Variants in RBSN observed in about 807,000 individuals in gnomAD.
RBSN encodes the protein rabenosyn-5.
In RBSN, 34 loss-of-function variants were observed where a neutral mutation model predicts 60.5. That is an observed-to-expected ratio of 0.56 (90% CI 0.43 to 0.75). The LOEUF (loss-of-function observed/expected upper bound fraction) is 0.75, where lower values mean the gene tolerates loss of function less well. Among genes scored for constraint, RBSN ranks in the 30% least tolerant of loss-of-function variants. The pLI, the probability that RBSN is intolerant of heterozygous loss-of-function variation, is 0.00. For missense variants in RBSN, 845 were observed against 986.8 expected, an observed-to-expected ratio of 0.86 and a Z score of 1.92; for synonymous variants, 322 against 366.9, an observed-to-expected ratio of 0.88 and a Z score of 1.40.
chr3:15,074,941 A>G lies in RBSN; in HGVS notation c.1207-11T>C. On this transcript the variant is annotated splice_polypyrimidine_tract_variant and intron_variant, in intron 13 of 13. Coordinates refer to ENST00000253699, the MANE Select transcript of RBSN (RefSeq NM_022340.4). This position sits in a 1 kb window ranked among gnomAD's most constrained non-coding sequence, Gnocchi z 6.4. ...GGACTCCAGGGCAGCCTGGGGAGAGAGCAAAGCAGAGAGAAGAAACAGTCA... is the reference window on the plus strand; with the variant it reads ...GGACTCCAGGGCAGCCTGGGGAGAGGGCAAAGCAGAGAGAAGAAACAGTCA... 6.3e-7 allele frequency: 1 copy of G among 1,594,576 alleles called. No individual in the cohort carries two copies. The highest frequency in any genetic ancestry group is 8.5e-7 in the Non-Finnish European group (1 of 1,172,122).
Position 15,082,393 on chromosome 3 carries a change from T to TAGATCTCG in RBSN, c.813_814insCGAGATCT (p.Thr272ArgfsTer8). 2 of 1,613,690 alleles carry TAGATCTCG rather than the reference T, an allele frequency of 1.2e-6. No individual in the cohort carries two copies. The highest frequency in any genetic ancestry group is 1.7e-5 in the Admixed American group (1 of 60,022). On this transcript the variant is annotated frameshift_variant, in exon 9 of 14. Coordinates refer to ENST00000253699, the MANE Select transcript of RBSN (RefSeq NM_022340.4). LOFTEE classifies it high-confidence loss of function. This position sits in a 1 kb window ranked among gnomAD's most constrained non-coding sequence, Gnocchi z 4.2. Reference sequence around the variant, plus strand: ...TCGTAGAGCTTCACGATGTCAGGTGTGTGCTCCTTCTCATCAATCTGCTGC... The same window carrying TAGATCTCG: ...TCGTAGAGCTTCACGATGTCAGGTGTAGATCTCGGTGCTCCTTCTCATCAATCTGCTGC...
chr3:15,071,154 T>A lies in RBSN; in HGVS notation c.*2628A>T, dbSNP rs1240108101. 1 of 152,246 alleles carries A rather than the reference T, an allele frequency of 6.6e-6. No homozygotes were observed. The highest frequency in any genetic ancestry group is 1.5e-5 in the Non-Finnish European group (1 of 68,052). 9.4% of individuals were successfully genotyped at this position (152,246 alleles called of 1,614,324 possible). ...TTTAAAAATAGTTTTTAAAAATGTT[T>A]CTTGTGTGTTTTTCAATGCTTTTAG... On this transcript the variant is annotated 3_prime_UTR_variant, in exon 14 of 14. Coordinates refer to ENST00000253699, the MANE Select transcript of RBSN (RefSeq NM_022340.4).
Position 15,073,210 on chromosome 3 carries a change from C to T in RBSN, c.*572G>A, listed in dbSNP as rs1164344056. ...TCTCCCCTTCATAGCAGCACCTCCC[C>T]CTTCTATTGTACAGACAGGAAGTGC... On this transcript the variant is annotated 3_prime_UTR_variant, in exon 14 of 14. Transcript: ENST00000253699. 1.3e-5 allele frequency: 2 copies of T among 152,924 alleles called. No individual in the cohort carries two copies. Among genetic ancestry groups the T allele is most frequent in the South Asian group, 2.1e-4 (1 of 4,836 alleles). 9.5% of individuals were successfully genotyped at this position (152,924 alleles called of 1,614,324 possible).
chr3:15,079,893 T>A (rs926696908), intron 10 of RBSN, among the ~76,000 whole-genome samples: 2 of 152,166 alleles, frequency 1.3e-5, no homozygotes, highest in Non-Finnish European at 2.9e-5. Flanking sequence ...ACCACCAAAC[T>A]GTACACTTTA....
intron 4 of RBSN, among the ~76,000 whole-genome samples, chr3:15,095,199 T>G (rs1273170376): frequency 6.6e-6 from 1 of 151,852 alleles, no homozygotes; most frequent in African/African-American, 2.4e-5. Flanking sequence ...TTTTTTTAAT[T>G]TTTTTTGTGA....
chr3:15,090,165 G>T (rs1365890569), intron 5 of RBSN, among the ~76,000 whole-genome samples: 2 of 152,162 alleles, frequency 1.3e-5, no homozygotes, highest in Admixed American at 6.5e-5. Context: ...CTCATGAGGT[G>T]CAGTGAAGAT....
In RBSN at chr3:15,088,388, T is replaced by A. The variant is rs547775071; in HGVS notation, c.289+2011A>T. On this transcript the variant is annotated intron_variant, in intron 5 of 13. Transcript: ENST00000253699. ...ACATATGTATAGTATTATTATTATT[T>A]TTTTTTTTTGAGACAGAGTCTCGCT... Among the ~76,000 whole-genome samples, 221 of 151,510 alleles carry A rather than the reference T, an allele frequency of 1.5e-3. 2 individuals are homozygous for A. Among genetic ancestry groups the A allele is most frequent in the South Asian group, 0.013 (63 of 4,822 alleles).
At chr3:15,088,351 T>C (rs1046676175) in intron 5 of RBSN, among the ~76,000 whole-genome samples, 2 of 152,140 alleles carry the variant, frequency 1.3e-5, no homozygotes, top group African/African-American at 4.8e-5. Flanking sequence ...CTTTCATATG[T>C]ATCTCATAAT....
At position 15,074,105 on chromosome 3, in the gene RBSN, G is replaced by C. The variant is rs1011037659; in HGVS notation, c.2032C>G (p.Pro678Ala). ...GCTGGGCTGTCTGGCTGAATGAATG[G>C]ATTCCCTGCCACTGCTTCCTCCTCC... is the stretch of plus-strand genomic sequence containing the variant. ...DEEEEAVAGN[P>A]FIQPDSPAPN... Residue 678 changes from proline to alanine, a missense_variant, in exon 14 of 14, where the codon CCA (proline) becomes GCA (alanine). By Grantham distance (27) the Pro-to-Ala change is conservative. Coordinates refer to ENST00000253699, the MANE Select transcript of RBSN (RefSeq NM_022340.4). The surrounding 1 kb of genome is among the most constrained non-coding windows in gnomAD (Gnocchi z 6.4). The C allele has an allele frequency of 2.5e-6, 4 of 1,614,062 alleles. No homozygotes were observed. The highest frequency in any genetic ancestry group is 2.7e-5 in the African/African-American group (2 of 75,000).
chr3:15,080,822 G>C lies in RBSN; in HGVS notation c.841-20C>G, dbSNP rs377140857. ...TAATTTCTAAGAACAAAAACAAAGAGGTAAGTGGTATGCTCAAGATATAGA... is the reference window on the plus strand; with the variant it reads ...TAATTTCTAAGAACAAAAACAAAGACGTAAGTGGTATGCTCAAGATATAGA... On this transcript the variant is annotated intron_variant, in intron 9 of 13. Coordinates refer to ENST00000253699, the MANE Select transcript of RBSN (RefSeq NM_022340.4). The C allele has an allele frequency of 2.4e-5, 39 of 1,609,852 alleles. No homozygotes were observed. Among genetic ancestry groups the C allele is most frequent in the Non-Finnish European group, 6.8e-6 (8 of 1,176,360 alleles).
At position 15,085,900 on chromosome 3, in the gene RBSN, A is replaced by ATAG; in HGVS notation, c.348_350dup (p.Tyr117dup). The ATAG allele has an allele frequency of 1.2e-6, 2 of 1,614,126 alleles. No homozygotes were observed. The highest frequency in any genetic ancestry group is 8.5e-7 in the Non-Finnish European group (1 of 1,180,010). ...TTATTAGTTTATTGACTTCCACAAC[A>ATAG]TAGTGGTCAATTCTAGCAGCTCGGT... On this transcript the variant is annotated inframe_insertion, in exon 6 of 14. Transcript: ENST00000253699.
intron 4 of RBSN, chr3:15,091,451 T>A (rs116877714): frequency 1.6e-6 from 2 of 1,285,792 alleles, no homozygotes; most frequent in African/African-American, 3.0e-5. Context: ...ATTGAATGCA[T>A]GTGAGAATAC....
intron 12 of RBSN, among the ~76,000 whole-genome samples, chr3:15,075,971 G>C (rs561200501): frequency 3.6e-4 from 55 of 152,142 alleles, no homozygotes; most frequent in Middle Eastern, 3.4e-3. Context: ...ATGAGGTCTT[G>C]TCCCTGCCCA....
In RBSN at chr3:15,074,117, C is replaced by T. The variant is rs2042986043; in HGVS notation, c.2020G>A (p.Val674Met). ...FEEEDEEEEAVAGNPFIQPDS... is the reference protein window; with the variant it reads ...FEEEDEEEEAMAGNPFIQPDS... ...GGCTGAATGAATGGATTCCCTGCCA[C>T]TGCTTCCTCCTCCTCGTCCTCTTCC... Residue 674 changes from valine to methionine, a missense_variant, in exon 14 of 14, where the codon GTG (valine) becomes ATG (methionine). Physicochemically the swap from Val to Met is conservative, Grantham distance 21. Transcript: ENST00000253699. This position sits in a 1 kb window ranked among gnomAD's most constrained non-coding sequence, Gnocchi z 6.4. 3.1e-6 allele frequency: 5 copies of T among 1,614,152 alleles called. No individual in the cohort carries two copies. The East Asian group carries it at 1.1e-4, about 36-fold the overall frequency.
chr3:15,090,332 A>C, intron 5 of RBSN, 67 bp downstream of exon 5: 1 of 1,572,654 alleles, frequency 6.4e-7, no homozygotes, highest in Middle Eastern at 1.7e-4. Context: ...CCAACTCTTA[A>C]AACTTTACCT....
rs964855168 is a variant in RBSN at position 15,071,383 on chromosome 3, C to T, written c.*2399G>A. The T allele has an allele frequency of 6.6e-6, 1 of 152,200 alleles. No individual in the cohort carries two copies. The highest frequency in any genetic ancestry group is 2.4e-5 in the African/African-American group (1 of 41,458). The allele number at this position is 152,200 out of a possible 1,614,324, so 9.4% of individuals were successfully genotyped here. A position where few individuals can be genotyped will look rare whatever the true frequency, so the allele number is the denominator to read the frequency against. On this transcript the variant is annotated 3_prime_UTR_variant, in exon 14 of 14. Transcript: ENST00000253699. ...AATGAGACCCTAAGCAGGGAGGAGC[C>T]TACTGGCCATCTGAGAAACCCTCTA...
chr3:15,091,504 A>C (rs768460361), intron 4 of RBSN: 5 of 1,285,794 alleles, frequency 3.9e-6, no homozygotes, highest in Non-Finnish European at 5.1e-6. Context: ...CTACAACATA[A>C]CACAAACAGA....
rs2042947913 is a variant in RBSN at position 15,072,656 on chromosome 3, G to A, written c.*1126C>T. 1.3e-5 allele frequency: 2 copies of A among 152,176 alleles called. No individual in the cohort carries two copies. The highest frequency in any genetic ancestry group is 4.1e-4 in the South Asian group (2 of 4,834). 9.4% of individuals were successfully genotyped at this position (152,176 alleles called of 1,614,324 possible). A position where few individuals can be genotyped will look rare whatever the true frequency, so the allele number is the denominator to read the frequency against. ...CCAGTGACAGACAATTGTTCTATCA[G>A]AAGAAGGGTGGGGAAACTCTTCTCA... On this transcript the variant is annotated 3_prime_UTR_variant, in exon 14 of 14. Transcript: ENST00000253699.
Position 15,084,835 on chromosome 3 carries a change from A to G in RBSN, c.498T>C (p.Cys166=), listed in dbSNP as rs752444790. The change falls in exon 8 of 14, where the codon TGT becomes TGC. Residue 166 remains cysteine, a synonymous_variant. Transcript: ENST00000253699. The surrounding 1 kb of genome is among the most constrained non-coding windows in gnomAD (Gnocchi z 4.2). ...NDQDVPFCPD[C]GNKFSIRNRR... ...GGTTCCGGATGCTGAACTTATTCCC[A>G]CAGTCTGGACAGAAAGGGACATCCT... 6.2e-6 allele frequency: 10 copies of G among 1,614,070 alleles called. No homozygotes were observed. Among genetic ancestry groups the G allele is most frequent in the Non-Finnish European group, 8.5e-6 (10 of 1,180,032 alleles).
Sources: allele counts gnomAD v4.1 joint callset (sites outside exome capture counted in the v4.1 genomes callset), GRCh38; gene constraint gnomAD v4.1.1; non-coding constraint Gnocchi (gnomAD v3.1); transcripts MANE v1.5; gene names NCBI Gene and HGNC (gene_info 2026-07-23, HGNC 2026-07-21).